The following PLCXD3 variants were observed in gnomAD, a reference collection of about 807,000 sequenced individuals.
PLCXD3 encodes the protein PI-PLC X domain-containing protein 3.
In PLCXD3, 19 loss-of-function variants were observed where a neutral mutation model predicts 25.5. The ratio of observed to expected loss-of-function variants is 0.75; its 90% CI spans 0.52 to 1.09. PLCXD3 has a LOEUF of 1.09. PLCXD3 is among the 50% of genes least tolerant of loss of function. The pLI is 0.00. For missense variants in PLCXD3, 411 were observed against 388.1 expected (o/e 1.06, Z -0.50); for synonymous variants, 174 against 137.6 (o/e 1.26, Z -1.85).
intron 2 of PLCXD3, among the ~76,000 whole-genome samples, chr5:41,353,097 T>TG (rs1744516901): frequency 6.6e-6 from 1 of 151,114 alleles, no homozygotes; most frequent in South Asian, 2.1e-4. Context: ...ACTCAGCTTT[T>TG]TTTTTTTTTT....
At chr5:41,503,817 C>T (rs577125482) in intron 1 of PLCXD3, among the ~76,000 whole-genome samples, 1 of 152,254 alleles carries the variant, frequency 6.6e-6, no homozygotes, top group South Asian at 2.1e-4. Context: ...TCAATGACTA[C>T]GTCTAGGACT....
rs147426121 is a variant in PLCXD3 at position 41,478,329 on chromosome 5, C to T, written c.103+32095G>A. 1.0e-3 allele frequency among the ~76,000 whole-genome samples: 156 copies of T among 152,216 alleles called. 5 individuals are homozygous for T. Among genetic ancestry groups the T allele is most frequent in the African/African-American group, 3.7e-3 (152 of 41,546 alleles). On this transcript the variant is annotated intron_variant, in intron 1 of 2. Transcript: ENST00000377801. ...GTAATAATAATTCATGAGTTTAAAG[C>T]TAAAAGGTTTTACTATGGATATCAT...
intron 2 of PLCXD3, among the ~76,000 whole-genome samples, chr5:41,375,165 GAGAGAGAAAGAGAA>G (rs1380214242): frequency 6.6e-6 from 1 of 151,308 alleles, no homozygotes; most frequent in African/African-American, 2.4e-5. Flanking sequence ...GGAAGAAAGA[GAGAGAGAAAGAGAA>G]AGAGAGAGAG....
intron 1 of PLCXD3, among the ~76,000 whole-genome samples, chr5:41,499,081 C>G: frequency 6.6e-6 from 1 of 151,178 alleles, no homozygotes; most frequent in East Asian, 1.9e-4. Flanking sequence ...CCCTCTAAGA[C>G]CAGGAAGAAG....
chr5:41,365,901 A>T (rs943888991), intron 2 of PLCXD3, among the ~76,000 whole-genome samples: 1 of 150,686 alleles, frequency 6.6e-6, no homozygotes, highest in African/African-American at 2.4e-5. Flanking sequence ...CTTGTTCTCA[A>T]TAGGTCACCA....
chr5:41,321,990 T>TG (rs1244038269), intron 2 of PLCXD3, among the ~76,000 whole-genome samples: 1 of 152,194 alleles, frequency 6.6e-6, no homozygotes, highest in Non-Finnish European at 1.5e-5. Context: ...AAGAAAACTT[T>TG]GGGGAAAATC....
At chr5:41,419,308 T>C (rs1448800837) in intron 1 of PLCXD3, among the ~76,000 whole-genome samples, 1 of 152,138 alleles carries the variant, frequency 6.6e-6, no homozygotes, top group Non-Finnish European at 1.5e-5. Flanking sequence ...GGCTTCGTGA[T>C]AATAAAAAGG....
chr5:41,410,553 G>A (rs950019491), intron 1 of PLCXD3, among the ~76,000 whole-genome samples: 3 of 152,044 alleles, frequency 2.0e-5, no homozygotes, highest in African/African-American at 4.8e-5. Flanking sequence ...CACATGTGCC[G>A]TTTCAGATTC....
At position 41,310,560 on chromosome 5, in the gene PLCXD3, T is replaced by C. The variant is rs1301013202; in HGVS notation, c.*3057A>G. 3.3e-5 allele frequency: 5 copies of C among 152,562 alleles called. No homozygotes were observed. Among genetic ancestry groups the C allele is most frequent in the Admixed American group, 2.6e-4 (4 of 15,254 alleles). The allele number at this position is 152,562 out of a possible 1,614,324, so 9.5% of individuals were successfully genotyped here. A position where few individuals can be genotyped will look rare whatever the true frequency, so the allele number is the denominator to read the frequency against. ...AATGCCCAGCTGAGACAAATGTGCA[T>C]AGGCTAAGGATAAGCTTCGATTGCA... On this transcript the variant is annotated 3_prime_UTR_variant, in exon 3 of 3. Coordinates refer to ENST00000377801, the MANE Select transcript of PLCXD3 (RefSeq NM_001005473.3).
At chr5:41,373,160 A>C (rs891452306) in intron 2 of PLCXD3, among the ~76,000 whole-genome samples, 1 of 152,150 alleles carries the variant, frequency 6.6e-6, no homozygotes, top group Non-Finnish European at 1.5e-5. Flanking sequence ...CTTTCCCAAG[A>C]GTTAAATGGA....
At chr5:41,384,676 C>G (rs1451908060) in intron 1 of PLCXD3, among the ~76,000 whole-genome samples, 1 of 151,590 alleles carries the variant, frequency 6.6e-6, no homozygotes, top group African/African-American at 2.4e-5. Flanking sequence ...GGTTATGTGG[C>G]AAGTAAAAAA....
chr5:41,468,009 CTTTTTTTTT>C (rs145732089), intron 1 of PLCXD3, among the ~76,000 whole-genome samples: 8 of 52,430 alleles, frequency 1.5e-4, no homozygotes, highest in South Asian at 1.3e-3. Flanking sequence ...CAGCTTTATT[CTTTTTTTTT>C]TTTTTTTTTT....
intron 1 of PLCXD3, among the ~76,000 whole-genome samples, chr5:41,480,878 C>T (rs1748395664): frequency 6.6e-6 from 1 of 151,998 alleles, no homozygotes; most frequent in African/African-American, 2.4e-5. Context: ...CCACTGCACT[C>T]CAGCCTGCAT....
intron 2 of PLCXD3, among the ~76,000 whole-genome samples, chr5:41,365,858 T>G (rs1744919848): frequency 6.6e-6 from 1 of 152,114 alleles, no homozygotes; most frequent in Non-Finnish European, 1.5e-5. Flanking sequence ...GGAACCCTTT[T>G]TGTAAAATAG....
At chr5:41,494,375 G>A (rs1399149842) in intron 1 of PLCXD3, among the ~76,000 whole-genome samples, 1 of 152,194 alleles carries the variant, frequency 6.6e-6, no homozygotes, top group Non-Finnish European at 1.5e-5. Flanking sequence ...GATGGCAGTG[G>A]CCACATTAGG....
chr5:41,456,435 T>C, intron 1 of PLCXD3: 7 of 499,202 alleles, frequency 1.4e-5, no homozygotes, highest in Non-Finnish European at 1.8e-5. Context: ...CTAACTTTTT[T>C]CTAAAAGAGA....
chr5:41,423,467 G>T (rs1377760422), intron 1 of PLCXD3, among the ~76,000 whole-genome samples: 1 of 151,918 alleles, frequency 6.6e-6, no homozygotes, highest in Non-Finnish European at 1.5e-5. Flanking sequence ...AATAGTTATG[G>T]CCTTCATTTC....
chr5:41,356,376 G>C (rs184245363), intron 2 of PLCXD3, among the ~76,000 whole-genome samples: 146 of 152,276 alleles, frequency 9.6e-4, no homozygotes, highest in African/African-American at 3.2e-3. Context: ...AAAAAACTGG[G>C]GATGGTTACA....
At chr5:41,364,020 G>A (rs780589786) in intron 2 of PLCXD3, among the ~76,000 whole-genome samples, 15 of 152,124 alleles carry the variant, frequency 9.9e-5, no homozygotes, top group Non-Finnish European at 2.2e-4. Flanking sequence ...AAGATTTTTT[G>A]TGCAGTGGCA....
Sources: allele counts gnomAD v4.1 joint callset (sites outside exome capture counted in the v4.1 genomes callset), GRCh38; gene constraint gnomAD v4.1.1; transcripts MANE v1.5; gene names NCBI Gene and HGNC (gene_info 2026-07-23, HGNC 2026-07-21).